MEIG1: variants seen among roughly 807,000 people sequenced by gnomAD.
The protein encoded by MEIG1 is meiosis/spermiogenesis associated 1.
A neutral mutation model predicts 11.3 loss-of-function variants in MEIG1; 12 were observed. The ratio of observed to expected loss-of-function variants is 1.07; its 90% CI spans 0.68 to 1.73. The LOEUF (loss-of-function observed/expected upper bound fraction) is 1.73, where lower values mean the gene tolerates loss of function less well. Among genes scored for constraint, MEIG1 ranks in the 40% most tolerant of loss-of-function variants. The pLI, the probability that MEIG1 is intolerant of heterozygous loss-of-function variation, is 0.00. For synonymous variants in MEIG1, 41 were observed against 33.2 expected (o/e 1.24, Z -0.81); for missense variants, 119 against 104.9 (o/e 1.13, Z -0.59).
downstream of MEIG1, among the ~76,000 whole-genome samples, chr10:14,976,382 T>A (rs1360380797): frequency 6.6e-6 from 1 of 152,182 alleles, no homozygotes; most frequent in Non-Finnish European, 1.5e-5. Flanking sequence ...AAGAATAATG[T>A]CACAATGTGT....
At chr10:14,979,802 G>C (rs1055362451) in intron 1 of MEIG1, among the ~76,000 whole-genome samples, 6 of 152,020 alleles carry the variant, frequency 3.9e-5, no homozygotes, top group African/African-American at 1.5e-4. Flanking sequence ...TGTACACCCT[G>C]TGATATTATT....
At chr10:14,967,028 C>G (rs950876911) in intron 2 of MEIG1, among the ~76,000 whole-genome samples, 3 of 152,112 alleles carry the variant, frequency 2.0e-5, no homozygotes, top group African/African-American at 7.2e-5. Context: ...GCCAGGACGC[C>G]CAGCCAGACT....
chr10:14,983,614 G>A (rs574370966), intron 1 of MEIG1, among the ~76,000 whole-genome samples: 48 of 152,154 alleles, frequency 3.2e-4, no homozygotes, highest in South Asian at 1.7e-3. Flanking sequence ...ATCACAGAAA[G>A]TGTACAAACC....
At chr10:14,958,029 T>C (rs937443766), upstream of MEIG1, among the ~76,000 whole-genome samples, 2 of 152,142 alleles carry the variant, frequency 1.3e-5, no homozygotes, top group African/African-American at 4.8e-5. Flanking sequence ...TTGGGAACGG[T>C]TGTAATTACC....
At chr10:14,966,263 C>T (rs1843082773) in intron 1 of MEIG1, among the ~76,000 whole-genome samples, 177 bp from the exon 2 acceptor site, 1 of 151,720 alleles carries the variant, frequency 6.6e-6, no homozygotes, top group Non-Finnish European at 1.5e-5. Flanking sequence ...GGTGTTTCAC[C>T]ATGTTGGCCA....
At chr10:14,987,363 C>G in intron 2 of MEIG1, 1 of 782,794 alleles carries the variant, frequency 1.3e-6, no homozygotes, top group Non-Finnish European at 2.3e-6. Flanking sequence ...GACAGCAAAG[C>G]GAGGACAGGC....
chr10:14,984,265 A>C lies in MEIG1; in HGVS notation n.67-2531A>C, dbSNP rs370180555. Among the ~76,000 whole-genome samples, 440 of 151,128 alleles carry C rather than the reference A, an allele frequency of 2.9e-3. 3 individuals carry two copies. The highest frequency in any genetic ancestry group is 0.01 in the Middle Eastern group (3 of 288). On this transcript the variant is annotated intron_variant and non_coding_transcript_variant, in intron 1 of 2. Transcript: ENST00000467536. The stretch of plus-strand genomic sequence containing the variant: ...ATATCCAGGGTGGGAGAGGGGGGTG[A>C]TATTACTCCCCGATTTTTCCGAGGA...
At chr10:14,982,471 G>C (rs1039050956) in intron 1 of MEIG1, among the ~76,000 whole-genome samples, 2 of 152,156 alleles carry the variant, frequency 1.3e-5, no homozygotes, top group African/African-American at 2.4e-5. Flanking sequence ...CCCAGGTGTG[G>C]TTGTGGGTCT....
chr10:14,971,622 T>C (rs1574040), intron 2 of MEIG1, among the ~76,000 whole-genome samples: 101,076 of 152,022 alleles, frequency 0.66, 33,816 homozygotes, highest in Admixed American at 0.69. Flanking sequence ...AGTTCTTGAG[T>C]TGCTTGCTTT....
intron 2 of MEIG1, chr10:14,987,648 C>T (rs1403124958): frequency 9.1e-6 from 4 of 438,554 alleles, no homozygotes; most frequent in South Asian, 2.4e-5. Flanking sequence ...GCTTTCTGTA[C>T]ATACTACTTT....
chr10:14,976,137 T>G (rs1445586473), downstream of MEIG1, among the ~76,000 whole-genome samples: 12 of 150,782 alleles, frequency 8.0e-5, no homozygotes, highest in Non-Finnish European at 1.6e-4. Context: ...GGAGAGGGGG[T>G]TGATATTACT....
At chr10:14,971,882 C>T (rs1843154804) in intron 2 of MEIG1, among the ~76,000 whole-genome samples, 1 of 152,200 alleles carries the variant, frequency 6.6e-6, no homozygotes, top group South Asian at 2.1e-4. Context: ...CTTGGGAGGC[C>T]GAGCTGGGAG....
downstream of MEIG1, among the ~76,000 whole-genome samples, chr10:14,975,119 AC>A (rs1424873512): frequency 6.6e-6 from 1 of 151,914 alleles, no homozygotes; most frequent in African/African-American, 2.4e-5. Flanking sequence ...GTGCGCATCC[AC>A]CCGGTGATGT....
chr10:14,967,921 T>A (rs1843105820), intron 2 of MEIG1, among the ~76,000 whole-genome samples: 1 of 152,194 alleles, frequency 6.6e-6, no homozygotes, highest in African/African-American at 2.4e-5. Flanking sequence ...TTCAACAAAT[T>A]TTTTGAAAAC....
intron 1 of MEIG1, among the ~76,000 whole-genome samples, chr10:14,980,792 C>G (rs117691361): frequency 2.0e-5 from 3 of 152,124 alleles, no homozygotes; most frequent in Non-Finnish European, 4.4e-5. Context: ...CACCTGACTC[C>G]GGACCTTCCC....
intron 2 of MEIG1, among the ~76,000 whole-genome samples, chr10:14,967,473 T>C (rs1027832747): frequency 6.6e-6 from 1 of 151,666 alleles, no homozygotes; most frequent in African/African-American, 2.4e-5. Flanking sequence ...GTGGTTCTTC[T>C]TAACTTATTT....
chr10:14,972,628 T>C lies in MEIG1; in HGVS notation c.254T>C (p.Ile85Thr). 6 of 1,611,130 alleles carry C rather than the reference T, an allele frequency of 3.7e-6. No individual in the cohort carries two copies. The highest frequency in any genetic ancestry group is 5.1e-6 in the Non-Finnish European group (6 of 1,178,604). Residue 85 changes from isoleucine to threonine, a missense_variant, in exon 3 of 3, where the codon ATT (isoleucine) becomes ACT (threonine). By Grantham distance (89) the Ile-to-Thr change is moderately conservative (BLOSUM62 -1). Coordinates refer to ENST00000407572, the MANE Select transcript of MEIG1 (RefSeq NM_001080836.3). The part of the protein sequence containing the change: ...CDDKEVHKVK[I>T]YAY ...GACAAAGAAGTCCACAAAGTGAAAA[T>C]TTATGCTTACTAGCCTGTCTTCTTT... is the stretch of plus-strand genomic sequence containing the variant.
At chr10:14,967,452 G>A (rs1020877958) in intron 2 of MEIG1, among the ~76,000 whole-genome samples, 4 of 151,484 alleles carry the variant, frequency 2.6e-5, no homozygotes, top group African/African-American at 7.3e-5. Flanking sequence ...TTTGGCTCCC[G>A]TTTATACAGT....
chr10:14,958,791 G>C (rs1041077648), upstream of MEIG1, among the ~76,000 whole-genome samples: 41 of 152,216 alleles, frequency 2.7e-4, no homozygotes, highest in African/African-American at 8.9e-4. Context: ...AGCTACTCGG[G>C]AGGCTGAGGC....
Sources: gnomAD v4.1 joint callset for allele counts (sites outside exome capture counted in the v4.1 genomes callset) on GRCh38, gnomAD v4.1.1 for gene constraint, MANE v1.5 for transcripts, NCBI Gene and HGNC (gene_info 2026-07-23, HGNC 2026-07-21) for gene names.